STARD6: variants seen among roughly 807,000 people sequenced by gnomAD.
STARD6 encodes StAR related lipid transfer domain containing 6.
Under a neutral mutation model 22.3 loss-of-function variants are expected in STARD6, and 21 were observed. The observed-to-expected ratio is 0.94, with a 90% CI of 0.67 to 1.35. STARD6 has a LOEUF of 1.35. STARD6 is among the 40% of genes most tolerant of loss of function. The probability of loss-of-function intolerance (pLI) is 0.00; values close to 1 mark genes in which losing one functional copy is unlikely to be tolerated. For synonymous variants in STARD6, 80 were observed against 88.1 expected (o/e 0.91, Z 0.52); for missense variants, 269 against 266.9 (o/e 1.01, Z -0.05).
intron 4 of STARD6, among the ~76,000 whole-genome samples, chr18:54,351,876 G>T (rs2089099339): frequency 1.0e-5 from 1 of 96,072 alleles, no homozygotes; most frequent in African/African-American, 4.8e-5. Context: ...TTTTGCATTT[G>T]TGTTAATCAG....
intron 5 of STARD6, among the ~76,000 whole-genome samples, chr18:54,335,512 C>T (rs1396923807): frequency 6.6e-6 from 1 of 152,056 alleles, no homozygotes; most frequent in Non-Finnish European, 1.5e-5. Context: ...TTATTTTTAT[C>T]ATGGCCTTAA....
At position 54,327,804 on chromosome 18, in the gene STARD6, G is replaced by C. The variant is rs1220714440; in HGVS notation, c.479+1543C>G. 4.0e-5 allele frequency among the ~76,000 whole-genome samples: 6 copies of C among 151,536 alleles called. No homozygotes were observed. The South Asian group carries it at 6.3e-4, about 16-fold the overall frequency. ...TTTTCTTATACTTTTCTCTATGCAGGGTTTATACTATTTTTACAGTGCCTC... is the reference window on the plus strand; with the variant it reads ...TTTTCTTATACTTTTCTCTATGCAGCGTTTATACTATTTTTACAGTGCCTC... On this transcript the variant is annotated intron_variant, in intron 7 of 7. Transcript: ENST00000307844.
chr18:54,343,564 C>T (rs2144685266), intron 4 of STARD6, among the ~76,000 whole-genome samples: 1 of 52,642 alleles, frequency 1.9e-5, no homozygotes, highest in Non-Finnish European at 3.6e-5. Context: ...AGCCCTCCGC[C>T]CGGCCAGCCG....
At chr18:54,334,653 A>G (rs1481304828) in intron 5 of STARD6, among the ~76,000 whole-genome samples, 1 of 151,844 alleles carries the variant, frequency 6.6e-6, no homozygotes, top group African/African-American at 2.4e-5. Context: ...CTGTCTCCCT[A>G]ACCTCCATTT....
chr18:54,328,595 A>G (rs907031095), intron 7 of STARD6, among the ~76,000 whole-genome samples: 1 of 152,026 alleles, frequency 6.6e-6, no homozygotes, highest in African/African-American at 2.4e-5. Flanking sequence ...AATGTTAAGG[A>G]ATACAGGTCC....
At chr18:54,343,833 C>T (rs868265141) in intron 4 of STARD6, among the ~76,000 whole-genome samples, 125 of 66,006 alleles carry the variant, frequency 1.9e-3, no homozygotes, top group Non-Finnish European at 2.7e-3. Context: ...CGCCTCTGCC[C>T]GGCCGCCCCT....
At chr18:54,337,475 A>G (rs2088926576) in intron 4 of STARD6, among the ~76,000 whole-genome samples, 4 of 152,212 alleles carry the variant, frequency 2.6e-5, no homozygotes, top group Admixed American at 1.3e-4. Context: ...ATTTTTCTAT[A>G]AGTAGGCTAT....
rs775994068 is a variant in STARD6 at position 54,331,859 on chromosome 18, C to T, written c.268G>A (p.Asp90Asn). The T allele has an allele frequency of 6.3e-7, 1 of 1,580,380 alleles. No individual in the cohort carries two copies. The highest frequency in any genetic ancestry group is 8.7e-7 in the Non-Finnish European group (1 of 1,153,638). Residue 90 changes from aspartate (D) to asparagine (N), a missense_variant and splice_region_variant, in exon 6 of 8, where the codon GAC becomes AAC. Physicochemically the swap from Asp to Asn is conservative, Grantham distance 23. Coordinates refer to ENST00000307844, the MANE Select transcript of STARD6 (RefSeq NM_139171.2). ...VYNMVHRIDS[D>N]TFICHTITQS... ...GTAATGGTATGACATATGAATGTGT[C>T]CTGCAACAAATCAAACCGTAAAGAT...
At chr18:54,337,411 A>C (rs939585649) in intron 4 of STARD6, among the ~76,000 whole-genome samples, 160 bp from the exon 5 acceptor site, 3 of 152,262 alleles carry the variant, frequency 2.0e-5, no homozygotes, top group African/African-American at 7.2e-5. Flanking sequence ...TTCAATTGGA[A>C]GTAGCAAGGT....
chr18:54,337,296 G>T, intron 4 of STARD6, 45 bp from the exon 5 acceptor site: 2 of 1,572,052 alleles, frequency 1.3e-6, no homozygotes, highest in Non-Finnish European at 1.7e-6. Flanking sequence ...AAAAAGTTTA[G>T]TCTAAGCTGA....
chr18:54,352,013 A>C (rs892738881), intron 4 of STARD6, among the ~76,000 whole-genome samples: 2 of 150,788 alleles, frequency 1.3e-5, no homozygotes, highest in African/African-American at 2.5e-5. Context: ...AGTTTCAGTA[A>C]GATCATACCA....
intron 5 of STARD6, among the ~76,000 whole-genome samples, chr18:54,333,693 A>G (rs149182046): frequency 1.6e-4 from 25 of 152,324 alleles, no homozygotes; most frequent in Admixed American, 5.2e-4. Flanking sequence ...ATTTACCTTC[A>G]TGGGCTTTTC....
rs774396079 is a variant in STARD6 at position 54,354,515 on chromosome 18, T to G, written c.59A>C (p.Asp20Ala). 1.2e-5 allele frequency: 20 copies of G among 1,613,672 alleles called. No homozygotes were observed. The highest frequency in any genetic ancestry group is 2.2e-5 in the East Asian group (1 of 44,860). ...TTTAACCACTTTCCAGCCTGATGTA[T>G]CTCGATTATAACCTAAAACTTCTTG... is the stretch of plus-strand genomic sequence containing the variant. ...TAQEVLGYNR[D>A]TSGWKVVKTS... Residue 20 changes from aspartate to alanine, a missense_variant, in exon 3 of 8, where the codon GAT becomes GCT. By Grantham distance (126) the Asp-to-Ala change is moderately radical. Coordinates refer to ENST00000307844, the MANE Select transcript of STARD6 (RefSeq NM_139171.2).
chr18:54,324,629 G>T lies in STARD6; in HGVS notation c.*63C>A. On this transcript the variant is annotated 3_prime_UTR_variant, in exon 8 of 8. Coordinates refer to ENST00000307844, the MANE Select transcript of STARD6 (RefSeq NM_139171.2). ...ATTATTTATGTGCGTTGACTTAGAA[G>T]TAAACAGCAATAACTACTACACATG... is the stretch of plus-strand genomic sequence containing the variant. 6.6e-7 allele frequency: 1 copy of T among 1,519,528 alleles called. No homozygotes were observed. The highest frequency in any genetic ancestry group is 2.3e-5 in the East Asian group (1 of 43,742). The allele number at this position is 1,519,528 out of a possible 1,614,324, so 94.1% of individuals were successfully genotyped here.
chr18:54,324,700 G>T lies in STARD6; in HGVS notation c.655C>A (p.His219Asn). 8.7e-6 allele frequency: 14 copies of T among 1,612,730 alleles called. No individual in the cohort carries two copies. Among genetic ancestry groups the T allele is most frequent in the Non-Finnish European group, 1.2e-5 (14 of 1,179,442 alleles). ...CATTTCTTCTTTTGGTATCATGAAT[G>T]ACTATTATGATGAAATCCACGTCTT... Reference protein sequence around the residue: ...PSRRGFHHNSHS With the variant: ...PSRRGFHHNSNS Residue 219 changes from histidine (H) to asparagine (N), a missense_variant, in exon 8 of 8, where the codon CAT (histidine) becomes AAT (asparagine). His to Asn is a moderately conservative substitution (Grantham distance 68). Transcript: ENST00000307844.
intron 6 of STARD6, among the ~76,000 whole-genome samples, chr18:54,330,047 G>A (rs1390605640): frequency 6.6e-6 from 1 of 151,820 alleles, no homozygotes; most frequent in Admixed American, 6.6e-5. Context: ...TGAATGCAGA[G>A]GGGGGTGGTT....
intron 4 of STARD6, among the ~76,000 whole-genome samples, chr18:54,349,743 G>A (rs745734346): frequency 5.9e-5 from 9 of 152,120 alleles, no homozygotes; most frequent in Non-Finnish European, 1.2e-4. Context: ...TTATAGGTGA[G>A]AAAAGATGAT....
intron 4 of STARD6, among the ~76,000 whole-genome samples, chr18:54,347,660 G>A (rs1349378723): frequency 1.3e-5 from 2 of 152,004 alleles, no homozygotes; most frequent in Non-Finnish European, 2.9e-5. Flanking sequence ...AAAATGTTAA[G>A]TTTAGGAAGA....
chr18:54,328,895 G>A (rs2088845008), intron 7 of STARD6, among the ~76,000 whole-genome samples: 1 of 152,080 alleles, frequency 6.6e-6, no homozygotes, highest in Non-Finnish European at 1.5e-5. Flanking sequence ...TGTACCTACT[G>A]GATCTCATTT....
Sources: allele counts gnomAD v4.1 joint callset (sites outside exome capture counted in the v4.1 genomes callset), GRCh38; gene constraint gnomAD v4.1.1; transcripts MANE v1.5; gene names NCBI Gene and HGNC (gene_info 2026-07-23, HGNC 2026-07-21).